The following RYR2 variants were observed in gnomAD, a reference collection of about 807,000 sequenced individuals.
The protein encoded by RYR2 is cardiac muscle ryanodine receptor-calcium release channel.
A neutral mutation model predicts 601.1 loss-of-function variants in RYR2; 227 were observed. That is an observed-to-expected ratio of 0.38 (90% CI 0.34 to 0.42). RYR2 has a LOEUF of 0.42. Ranked by LOEUF, RYR2 falls within the 10% of genes least tolerant of loss-of-function variation. The pLI is 1.00. For missense variants in RYR2, 4,646 were observed against 6,156.5 expected (o/e 0.75, Z 8.21); for synonymous variants, 2,223 against 2,175.1 (o/e 1.02, Z -0.61).
intron 8 of RYR2, among the ~76,000 whole-genome samples, chr1:237,386,798 A>T (rs2149840326): frequency 6.6e-6 from 1 of 152,270 alleles, no homozygotes; most frequent in East Asian, 1.9e-4. Flanking sequence ...TTTGCATCAA[A>T]TTGCAGATAA....
chr1:237,230,418 A>C (rs1278867897), intron 1 of RYR2, among the ~76,000 whole-genome samples: 1 of 152,234 alleles, frequency 6.6e-6, no homozygotes, highest in Non-Finnish European at 1.5e-5. Context: ...ACTTGAAATG[A>C]ATAATCAGAT....
chr1:237,125,723 T>C lies in RYR2; in HGVS notation c.48+83154T>C, dbSNP rs1671336268. On this transcript the variant is annotated intron_variant, in intron 1 of 104. Transcript: ENST00000366574. ...CTTTGTAAAAAACAAACATGTATCA[T>C]AAAATAAGTATTACTTTTTCCTTTC... 2.0e-5 allele frequency among the ~76,000 whole-genome samples: 3 copies of C among 152,262 alleles called. No individual in the cohort carries two copies. In the South Asian group the frequency reaches 6.2e-4, roughly 31 times the overall value.
In RYR2 at chr1:237,367,383, C is replaced by T. The variant is rs557893965; in HGVS notation, c.310-2151C>T. Among the ~76,000 whole-genome samples the T allele has an allele frequency of 4.5e-4, 62 of 137,836 alleles. No homozygotes were observed. In the Middle Eastern group the frequency reaches 0.011, roughly 25 times the overall value. 90.4% of individuals were successfully genotyped at this position (137,836 alleles called of 152,430 possible). A position where few individuals can be genotyped will look rare whatever the true frequency, so the allele number is the denominator to read the frequency against. On this transcript the variant is annotated intron_variant, in intron 5 of 104. Coordinates refer to ENST00000366574, the MANE Select transcript of RYR2 (RefSeq NM_001035.3). The stretch of plus-strand genomic sequence containing the variant: ...CTGGGATTACAAGCGTGAGCCACTG[C>T]GTCTGGCCCCCCAAAAAAAGTGGTT...
intron 5 of RYR2, among the ~76,000 whole-genome samples, chr1:237,366,674 TCACA>T (rs56679247): frequency 0.14 from 19,840 of 144,730 alleles, 1,501 homozygotes; most frequent in East Asian, 0.34. Flanking sequence ...ACCTCTTTAG[TCACA>T]CACACACACA....
At chr1:237,349,305 G>C (rs1698558724) in intron 3 of RYR2, among the ~76,000 whole-genome samples, 1 of 152,144 alleles carries the variant, frequency 6.6e-6, no homozygotes, top group African/African-American at 2.4e-5. Flanking sequence ...TATCTTTAAT[G>C]TTGTGAGGAA....
chr1:237,323,176 T>A (rs1456836303), intron 2 of RYR2, among the ~76,000 whole-genome samples: 1 of 152,184 alleles, frequency 6.6e-6, no homozygotes, highest in Non-Finnish European at 1.5e-5. Flanking sequence ...ATTGTGATTT[T>A]TTTTATCATG....
In RYR2 at chr1:237,674,080, C is replaced by G; in HGVS notation, c.8591-16C>G. 1.9e-6 allele frequency: 3 copies of G among 1,604,856 alleles called. No individual in the cohort carries two copies. Among genetic ancestry groups the G allele is most frequent in the South Asian group, 2.2e-5 (2 of 90,370 alleles). Reference sequence around the variant, plus strand: ...TCAAATTACTATGCTGTGTTCTTGTCCTGACATACTCTTAGGAGGAGGAAA... The same window carrying G: ...TCAAATTACTATGCTGTGTTCTTGTGCTGACATACTCTTAGGAGGAGGAAA... On this transcript the variant is annotated splice_polypyrimidine_tract_variant and intron_variant, in intron 58 of 104. Transcript: ENST00000366574.
At chr1:237,246,376 G>A (rs918005833) in intron 1 of RYR2, among the ~76,000 whole-genome samples, 12 of 152,178 alleles carry the variant, frequency 7.9e-5, no homozygotes, top group African/African-American at 1.9e-4. Flanking sequence ...GATTACAGGC[G>A]TGAGCCACCG....
In RYR2 at chr1:237,809,049, C is replaced by G; in HGVS notation, c.14433+14C>G. 1.2e-6 allele frequency: 2 copies of G among 1,608,238 alleles called. No individual in the cohort carries two copies. Among genetic ancestry groups the G allele is most frequent in the Non-Finnish European group, 1.7e-6 (2 of 1,176,228 alleles). ...GATATGCTAACAGTAAGTTCATAAC[C>G]TTTGATCTCACATAAACAAAAATGT... is the stretch of plus-strand genomic sequence containing the variant. On this transcript the variant is annotated intron_variant, in intron 100 of 104. Coordinates refer to ENST00000366574, the MANE Select transcript of RYR2 (RefSeq NM_001035.3).
chr1:237,218,015 G>A (rs1185871738), intron 1 of RYR2, among the ~76,000 whole-genome samples: 1 of 152,130 alleles, frequency 6.6e-6, no homozygotes, highest in Non-Finnish European at 1.5e-5. Flanking sequence ...TGCAGGGGTG[G>A]CTGTTCTATT....
intron 2 of RYR2, among the ~76,000 whole-genome samples, chr1:237,313,046 G>A (rs1408819441): frequency 6.7e-6 from 1 of 149,810 alleles, no homozygotes; most frequent in Non-Finnish European, 1.5e-5. Flanking sequence ...CAGTTGCATA[G>A]CATTCATAAC....
At chr1:237,723,371 A>G (rs1159253752) in intron 74 of RYR2, 109 bp downstream of exon 74, 1 of 731,568 alleles carries the variant, frequency 1.4e-6, no homozygotes, top group African/African-American at 1.8e-5. Context: ...ATATATGTTC[A>G]GCATATTCAT....
intron 10 of RYR2, among the ~76,000 whole-genome samples, chr1:237,413,134 C>T (rs765120118): frequency 4.6e-5 from 7 of 152,156 alleles, no homozygotes; most frequent in Non-Finnish European, 7.4e-5. Flanking sequence ...GATTAGACAA[C>T]CATTGACGCT....
intron 32 of RYR2, among the ~76,000 whole-genome samples, chr1:237,592,800 C>T (rs1383158030): frequency 1.3e-5 from 2 of 152,002 alleles, no homozygotes; most frequent in Non-Finnish European, 1.5e-5. Flanking sequence ...GCAGGTGGAT[C>T]ACCTGAGGTC....
Position 237,500,955 on chromosome 1 carries a change from C to A in RYR2, c.2396+52C>A, listed in dbSNP as rs116858305. 1,458 of 1,502,434 alleles carry A rather than the reference C, an allele frequency of 9.7e-4. 18 individuals are homozygous for A. The East Asian group carries it at 0.025, about 26-fold the overall frequency. 93.1% of individuals were successfully genotyped at this position (1,502,434 alleles called of 1,614,324 possible). On this transcript the variant is annotated intron_variant, in intron 21 of 104. Transcript: ENST00000366574. ...CTTTCCTTTCTCATTTCTCATACCT[C>A]CACAGAAGACTCTGCACTGCCATTG...
Position 237,148,563 on chromosome 1 carries a change from C to CATAT in RYR2, c.48+106006_48+106009dup, listed in dbSNP as rs142304279. Among the ~76,000 whole-genome samples the CATAT allele has an allele frequency of 2.5e-3, 205 of 82,400 alleles. 4 individuals are homozygous for CATAT. Among genetic ancestry groups the CATAT allele is most frequent in the African/African-American group, 7.7e-3 (199 of 25,972 alleles). 54.1% of individuals were successfully genotyped at this position (82,400 alleles called of 152,430 possible). On this transcript the variant is annotated intron_variant, in intron 1 of 104. Transcript: ENST00000366574. ...ATATATATATATATATACACACACA[C>CATAT]ATATATATATATATACACACACATA...
At chr1:237,258,809 G>C (rs1231299599) in intron 1 of RYR2, among the ~76,000 whole-genome samples, 1 of 152,182 alleles carries the variant, frequency 6.6e-6, no homozygotes, top group Non-Finnish European at 1.5e-5. Context: ...TATTGGTGCA[G>C]TATACCTGCT....
Position 237,647,539 on chromosome 1 carries a change from T to A in RYR2, c.7343-905T>A, listed in dbSNP as rs576009630. Among the ~76,000 whole-genome samples, 27 of 152,364 alleles carry A rather than the reference T, an allele frequency of 1.8e-4. No homozygotes were observed. The East Asian group carries it at 4.8e-3, about 27-fold the overall frequency. ...TATTTGTTTGTTTTCATGATTCACA[T>A]ATAAAATTTTTTCATTGACTATACG... On this transcript the variant is annotated intron_variant, in intron 48 of 104. Transcript: ENST00000366574.
intron 1 of RYR2, among the ~76,000 whole-genome samples, chr1:237,075,632 C>G (rs1292536567): frequency 9.9e-5 from 3 of 30,360 alleles, no homozygotes; most frequent in Non-Finnish European, 1.6e-4. Flanking sequence ...CCTACGCCCA[C>G]GGAATCGCGC....
Sources: allele counts gnomAD v4.1 joint callset (sites outside exome capture counted in the v4.1 genomes callset), GRCh38; gene constraint gnomAD v4.1.1; transcripts MANE v1.5; gene names NCBI Gene and HGNC (gene_info 2026-07-23, HGNC 2026-07-21).